HMGA2: variants seen among roughly 807,000 people sequenced by gnomAD.
HMGA2 encodes high mobility group AT-hook 2.
A neutral mutation model predicts 19.1 loss-of-function variants in HMGA2; 8 were observed. The ratio of observed to expected loss-of-function variants is 0.42; its 90% CI spans 0.25 to 0.76. HMGA2 has a LOEUF of 0.76. Ranked by LOEUF, HMGA2 falls within the 30% of genes least tolerant of loss-of-function variation. The pLI, the probability that HMGA2 is intolerant of heterozygous loss-of-function variation, is 0.28. For missense variants in HMGA2, 109 were observed against 136.3 expected, an observed-to-expected ratio of 0.80 and a Z score of 1.00; for synonymous variants, 60 against 48.8, an observed-to-expected ratio of 1.23 and a Z score of -0.96.
At chr12:65,928,994 G>A (rs1176185609) in intron 3 of HMGA2, among the ~76,000 whole-genome samples, 2 of 152,086 alleles carry the variant, frequency 1.3e-5, no homozygotes, top group Admixed American at 6.6e-5. Flanking sequence ...CTTACTTTGG[G>A]ATTTCCTTTT....
intron 3 of HMGA2, among the ~76,000 whole-genome samples, chr12:65,884,156 G>A (rs948091958): frequency 7.2e-5 from 11 of 152,272 alleles, no homozygotes; most frequent in South Asian, 2.1e-4. Flanking sequence ...GTGAGCCACC[G>A]TATCTGGCTC....
At chr12:65,868,891 T>A (rs573495625) in intron 3 of HMGA2, among the ~76,000 whole-genome samples, 1 of 152,206 alleles carries the variant, frequency 6.6e-6, no homozygotes, top group Non-Finnish European at 1.5e-5. Context: ...AGTAAAAATT[T>A]GTGCCAAACC....
At chr12:65,942,385 T>C (rs1651815362) in intron 3 of HMGA2, among the ~76,000 whole-genome samples, 2 of 152,148 alleles carry the variant, frequency 1.3e-5, no homozygotes. Context: ...ATAGAATAAA[T>C]AATTTGGGCC....
At chr12:65,844,410 A>C (rs1871149834) in intron 3 of HMGA2, among the ~76,000 whole-genome samples, 1 of 152,212 alleles carries the variant, frequency 6.6e-6, no homozygotes, top group East Asian at 1.9e-4. Context: ...ATAAAAATAG[A>C]GTACTTTTCA....
At chr12:65,945,060 C>T (rs1876215924) in intron 3 of HMGA2, among the ~76,000 whole-genome samples, 2 of 151,452 alleles carry the variant, frequency 1.3e-5, no homozygotes, top group African/African-American at 2.4e-5. Flanking sequence ...TTTACTTAAC[C>T]TCCCCTGGAG....
intron 3 of HMGA2, among the ~76,000 whole-genome samples, chr12:65,922,175 G>T (rs1875338932): frequency 6.6e-6 from 1 of 152,220 alleles, no homozygotes; most frequent in South Asian, 2.1e-4. Context: ...GTGAGAAGAG[G>T]GTCACCATCC....
intron 3 of HMGA2, 30 bp from the exon 4 acceptor site, chr12:65,951,353 T>A: frequency 7.0e-7 from 1 of 1,430,866 alleles, no homozygotes; most frequent in Non-Finnish European, 9.5e-7. Context: ...TATTTTCTTT[T>A]AAAATATATC....
intron 3 of HMGA2, among the ~76,000 whole-genome samples, chr12:65,855,452 T>TCACACA (rs1259566976): frequency 9.9e-4 from 106 of 107,128 alleles, no homozygotes; most frequent in African/African-American, 3.5e-3. Flanking sequence ...TCTCTCTCTC[T>TCACACA]CTCTCTCACA....
intron 1 of HMGA2, among the ~76,000 whole-genome samples, chr12:65,827,665 A>G (rs1870273773): frequency 6.6e-6 from 1 of 152,222 alleles, no homozygotes; most frequent in South Asian, 2.1e-4. Context: ...TATTCCTATG[A>G]GTTGCCAAAT....
chr12:65,910,668 C>G (rs147040367), intron 3 of HMGA2, among the ~76,000 whole-genome samples: 121 of 152,250 alleles, frequency 7.9e-4, no homozygotes, highest in African/African-American at 2.7e-3. Flanking sequence ...ACTTGGGGTA[C>G]TAGGTCCTCA....
chr12:65,836,839 T>A (rs1384083065), intron 2 of HMGA2, among the ~76,000 whole-genome samples: 15 of 152,238 alleles, frequency 9.9e-5, no homozygotes, highest in Admixed American at 1.3e-4. Context: ...GGCTACCAGG[T>A]TTTCTTTTGT....
chr12:65,860,152 A>G (rs761263957), intron 3 of HMGA2: 3 of 366,602 alleles, frequency 8.2e-6, no homozygotes, highest in Non-Finnish European at 1.7e-5. Context: ...CACCTACTGA[A>G]CATCCTAGCT....
intron 3 of HMGA2, among the ~76,000 whole-genome samples, chr12:65,876,424 A>C (rs1249888781): frequency 6.6e-6 from 1 of 152,198 alleles, no homozygotes. Flanking sequence ...AATATTTGGT[A>C]ATTTTCTATT....
chr12:65,917,114 G>C (rs1875129876), intron 3 of HMGA2, among the ~76,000 whole-genome samples: 1 of 152,182 alleles, frequency 6.6e-6, no homozygotes, highest in African/African-American at 2.4e-5. Context: ...GCTGCACTAA[G>C]GGAATAAGTA....
intron 3 of HMGA2, among the ~76,000 whole-genome samples, chr12:65,926,168 G>A (rs1047984746): frequency 6.6e-6 from 1 of 152,146 alleles, no homozygotes; most frequent in African/African-American, 2.4e-5. Context: ...AGGGAAGCTC[G>A]GATTTTTGAA....
chr12:65,924,438 G>A (rs1462239792), intron 3 of HMGA2, among the ~76,000 whole-genome samples: 2 of 151,754 alleles, frequency 1.3e-5, no homozygotes, highest in East Asian at 1.9e-4. Flanking sequence ...TCAGCCTACC[G>A]CAAGACCTCC....
chr12:65,915,407 G>A, intron 3 of HMGA2: 1 of 1,281,724 alleles, frequency 7.8e-7, no homozygotes, highest in Non-Finnish European at 1.0e-6. Context: ...TGCGGGGACA[G>A]CTTAGAGAGT....
At chr12:65,911,431 C>A (rs1275758945) in intron 3 of HMGA2, among the ~76,000 whole-genome samples, 4 of 152,120 alleles carry the variant, frequency 2.6e-5, no homozygotes, top group Non-Finnish European at 4.4e-5. Context: ...TCCCTGGAAA[C>A]AGGTGATAGG....
rs185643327 is a variant in HMGA2, at chr12:65,947,356, C to T, written c.250-4027C>T. On this transcript the variant is annotated intron_variant, in intron 3 of 4. Coordinates refer to ENST00000403681, the MANE Select transcript of HMGA2 (RefSeq NM_003483.6). ...TCTCGAACTCGTGAGCTCAAACAATCCTCTCAAAGTGCTGAGATTACCGGC... is the reference window on the plus strand; with the variant it reads ...TCTCGAACTCGTGAGCTCAAACAATTCTCTCAAAGTGCTGAGATTACCGGC... 1.4e-3 allele frequency among the ~76,000 whole-genome samples: 213 copies of T among 152,290 alleles called. 1 individual carries two copies. Among genetic ancestry groups the T allele is most frequent in the African/African-American group, 4.7e-3 (197 of 41,550 alleles).
Sources: allele counts gnomAD v4.1 joint callset (sites outside exome capture counted in the v4.1 genomes callset), GRCh38; gene constraint gnomAD v4.1.1; transcripts MANE v1.5; gene names NCBI Gene and HGNC (gene_info 2026-07-23, HGNC 2026-07-21).